Variants in AP3M1 observed in about 807,000 individuals in gnomAD.
AP3M1 encodes AP-3 complex subunit mu-1.
AP3M1 carries 29 observed loss-of-function variants against 42.6 expected under a neutral mutation model. The ratio of observed to expected loss-of-function variants is 0.68; its 90% CI spans 0.51 to 0.93. The LOEUF (loss-of-function observed/expected upper bound fraction) is 0.93. Among genes scored for constraint, AP3M1 ranks in the 40% least tolerant of loss-of-function variants. The probability of loss-of-function intolerance (pLI) is 0.00; values close to 1 mark genes in which losing one functional copy is unlikely to be tolerated. For synonymous variants in AP3M1, 178 were observed against 175.3 expected, an observed-to-expected ratio of 1.02 and a Z score of -0.12; for missense variants, 416 against 510.2, an observed-to-expected ratio of 0.82 and a Z score of 1.78.
chr10:74,130,034 A>G (rs773300333), intron 4 of AP3M1, 42 bp from the exon 5 acceptor site: 14 of 1,245,650 alleles, frequency 1.1e-5, no homozygotes, highest in Non-Finnish European at 1.5e-5. Context: ...TCAATGGAAT[A>G]TGAGTCTTCA....
chr10:74,142,984 T>C (rs1841204993), intron 1 of AP3M1, among the ~76,000 whole-genome samples: 1 of 152,238 alleles, frequency 6.6e-6, no homozygotes, highest in Non-Finnish European at 1.5e-5. Context: ...AGACTCAGAT[T>C]TGGGCACTTC....
chr10:74,148,215 A>G (rs1841389369), intron 1 of AP3M1, among the ~76,000 whole-genome samples: 1 of 152,184 alleles, frequency 6.6e-6, no homozygotes, highest in African/African-American at 2.4e-5. Flanking sequence ...AAAGGTGTGA[A>G]TAGAGGGGGA....
chr10:74,133,109 C>T (rs1480495608), intron 4 of AP3M1, among the ~76,000 whole-genome samples: 1 of 151,706 alleles, frequency 6.6e-6, no homozygotes, highest in Non-Finnish European at 1.5e-5. Flanking sequence ...AAAAAATTAG[C>T]CAGGGCCGGG....
intron 1 of AP3M1, among the ~76,000 whole-genome samples, chr10:74,143,451 T>C (rs563178816): frequency 2.4e-4 from 37 of 152,214 alleles, no homozygotes; most frequent in Non-Finnish European, 4.4e-4. Flanking sequence ...GGTTTCACCA[T>C]GTTGGCCTCA....
intron 7 of AP3M1, 67 bp from the exon 8 acceptor site, chr10:74,124,591 T>C: frequency 1.5e-6 from 2 of 1,359,146 alleles, no homozygotes; most frequent in Non-Finnish European, 2.0e-6. Flanking sequence ...AAAAACAAAG[T>C]TCAAAGATAT....
chr10:74,124,010 C>A, intron 8 of AP3M1, 100 bp from the exon 9 acceptor site: 1 of 1,011,472 alleles, frequency 9.9e-7, no homozygotes, highest in Non-Finnish European at 1.5e-6. Context: ...AACCAGTGTC[C>A]CTTCCACCAT....
At chr10:74,136,927 T>G (rs970857187) in intron 2 of AP3M1, 124 bp from the exon 3 acceptor site, 1 of 610,464 alleles carries the variant, frequency 1.6e-6, no homozygotes, top group Non-Finnish European at 2.5e-6. Context: ...TGAACATATA[T>G]AAAACAGAGC....
intron 3 of AP3M1, among the ~76,000 whole-genome samples, chr10:74,135,595 G>A (rs761841924): frequency 7.9e-5 from 12 of 151,822 alleles, no homozygotes; most frequent in Non-Finnish European, 1.2e-4. Flanking sequence ...CTTTTTTGTC[G>A]GAGTGAATAT....
intron 4 of AP3M1, among the ~76,000 whole-genome samples, chr10:74,130,578 C>T (rs1840751370): frequency 6.6e-6 from 1 of 151,656 alleles, no homozygotes; most frequent in Non-Finnish European, 1.5e-5. Context: ...GCAGCTGGTA[C>T]TACAGGCATG....
intron 1 of AP3M1, among the ~76,000 whole-genome samples, chr10:74,141,023 C>T (rs1227712504): frequency 1.3e-5 from 2 of 152,168 alleles, no homozygotes; most frequent in Non-Finnish European, 1.5e-5. Flanking sequence ...AACCCAGAGT[C>T]CATCAAATTT....
chr10:74,139,461 A>C (rs1477144336), intron 1 of AP3M1, among the ~76,000 whole-genome samples: 2 of 151,572 alleles, frequency 1.3e-5, no homozygotes, highest in Non-Finnish European at 2.9e-5. Context: ...TAAAAAAAAA[A>C]AAACAAAACA....
intron 3 of AP3M1, 129 bp from the exon 4 acceptor site, chr10:74,134,293 G>C (rs1840878415): frequency 1.0e-6 from 1 of 968,346 alleles, no homozygotes; most frequent in Non-Finnish European, 1.5e-6. Flanking sequence ...ATGGTCACTA[G>C]AATTGTCAGA....
chr10:74,134,223 A>G (rs1840876574), intron 3 of AP3M1, 59 bp from the exon 4 acceptor site: 1 of 1,530,616 alleles, frequency 6.5e-7, no homozygotes, highest in Non-Finnish European at 8.8e-7. Flanking sequence ...GAGAAAATTT[A>G]TTACTAGGAA....
At chr10:74,125,177 C>T (rs1222539726) in intron 7 of AP3M1, among the ~76,000 whole-genome samples, 2 of 152,196 alleles carry the variant, frequency 1.3e-5, no homozygotes, top group African/African-American at 4.8e-5. Flanking sequence ...TGGGGTTTCT[C>T]CATGTTGGTC....
intron 2 of AP3M1, 112 bp from the exon 3 acceptor site, chr10:74,136,915 G>A (rs1242812775): frequency 8.9e-6 from 6 of 673,894 alleles, no homozygotes; most frequent in African/African-American, 3.7e-5. Flanking sequence ...TGCTTAAGCT[G>A]CTGAACATAT....
chr10:74,129,015 G>A, intron 6 of AP3M1, 93 bp downstream of exon 6: 1 of 1,479,722 alleles, frequency 6.8e-7, no homozygotes, highest in Non-Finnish European at 9.3e-7. Flanking sequence ...GAGCAGTGAT[G>A]ACCTCAAGTA....
intron 1 of AP3M1, among the ~76,000 whole-genome samples, chr10:74,146,898 G>C (rs1319070056): frequency 6.6e-6 from 1 of 152,036 alleles, no homozygotes; most frequent in South Asian, 2.1e-4. Flanking sequence ...AAAAAACAGG[G>C]TGGTTTTTAG....
rs369897200 is a variant in AP3M1, at chr10:74,132,226, C to T, written c.583+1801G>A. On this transcript the variant is annotated intron_variant, in intron 4 of 8. Coordinates refer to ENST00000355264, the MANE Select transcript of AP3M1 (RefSeq NM_012095.6). ...CTAATTTTTGTATTTATAGTAGAGACGGGGTTTTACCATGTTGGCCAGGCT... is the reference window on the plus strand; with the variant it reads ...CTAATTTTTGTATTTATAGTAGAGATGGGGTTTTACCATGTTGGCCAGGCT... Among the ~76,000 whole-genome samples, 52 of 151,454 alleles carry T rather than the reference C, an allele frequency of 3.4e-4. 1 individual carries two copies. In the Middle Eastern group the frequency reaches 0.01, roughly 30 times the overall value.
intron 5 of AP3M1, 72 bp downstream of exon 5, chr10:74,129,835 T>C (rs1159781346): frequency 4.9e-6 from 5 of 1,012,806 alleles, no homozygotes; most frequent in Non-Finnish European, 7.8e-6. Context: ...TATCTCAATA[T>C]TTATCATTTC....
Sources: gnomAD v4.1 joint callset for allele counts (sites outside exome capture counted in the v4.1 genomes callset) on GRCh38, gnomAD v4.1.1 for gene constraint, MANE v1.5 for transcripts, NCBI Gene and HGNC (gene_info 2026-07-23, HGNC 2026-07-21) for gene names.